Variants in FAXC observed in about 807,000 individuals in gnomAD.
FAXC encodes the protein failed axon connections homolog.
FAXC carries 10 observed loss-of-function variants against 41.9 expected under a neutral mutation model. That is an observed-to-expected ratio of 0.24 (90% confidence interval 0.15 to 0.41). The LOEUF (loss-of-function observed/expected upper bound fraction) is 0.41, where lower values mean the gene tolerates loss of function less well. Among genes scored for constraint, FAXC ranks in the 10% least tolerant of loss-of-function variants. The pLI is 1.00. For synonymous variants in FAXC, 183 were observed against 183.8 expected (o/e 1.00, Z 0.03); for missense variants, 399 against 510.9 (o/e 0.78, Z 2.11).
chr6:99,285,228 G>A (rs1160444369), intron 5 of FAXC, among the ~76,000 whole-genome samples: 1 of 152,086 alleles, frequency 6.6e-6, no homozygotes, highest in Admixed American at 6.6e-5. Context: ...AAAAGCAGTG[G>A]TATGTAAAGA....
intron 2 of FAXC, among the ~76,000 whole-genome samples, chr6:99,334,011 C>T (rs1247555483): frequency 6.6e-6 from 1 of 152,170 alleles, no homozygotes; most frequent in Non-Finnish European, 1.5e-5. Flanking sequence ...AATAATAATA[C>T]CACTACACTA....
chr6:99,304,026 A>G (rs1771818210), intron 4 of FAXC, among the ~76,000 whole-genome samples: 1 of 152,234 alleles, frequency 6.6e-6, no homozygotes, highest in African/African-American at 2.4e-5. Context: ...TCATGCCTGT[A>G]ATCCCAACAC....
At chr6:99,333,601 C>A (rs1053603581) in intron 2 of FAXC, 54 bp from the exon 3 acceptor site, 135 of 1,400,388 alleles carry the variant, frequency 9.6e-5, no homozygotes, top group Admixed American at 4.8e-4. Context: ...TTAAATTCCA[C>A]TGCATGATTA....
chr6:99,318,306 C>CACACACACACACACACAA (rs147852055), intron 4 of FAXC, among the ~76,000 whole-genome samples: 1 of 135,230 alleles, frequency 7.4e-6, no homozygotes, highest in Non-Finnish European at 1.6e-5. Flanking sequence ...CACACACACA[C>CACACACACACACACACAA]AAAATAGAAG....
At position 99,281,156 on chromosome 6, in the gene FAXC, G is replaced by T; in HGVS notation, c.*8C>A. The T allele has an allele frequency of 1.6e-6, 2 of 1,260,150 alleles. No individual in the cohort carries two copies. The highest frequency in any genetic ancestry group is 1.2e-6 in the Non-Finnish European group (1 of 857,386). 78.1% of individuals were successfully genotyped at this position (1,260,150 alleles called of 1,614,324 possible). ...GGTCCCAAGGAAGAGGGTCAGTGAGGCTGGACGTCACTTGCACTGTTCGTG... is the reference window on the plus strand; with the variant it reads ...GGTCCCAAGGAAGAGGGTCAGTGAGTCTGGACGTCACTTGCACTGTTCGTG... On this transcript the variant is annotated 3_prime_UTR_variant, in exon 6 of 6. Coordinates refer to ENST00000389677, the MANE Select transcript of FAXC (RefSeq NM_032511.4).
chr6:99,342,502 C>T (rs180981445), intron 2 of FAXC, among the ~76,000 whole-genome samples: 148 of 152,214 alleles, frequency 9.7e-4, no homozygotes, highest in African/African-American at 3.3e-3. Flanking sequence ...CTGCCACTAG[C>T]CCAGCCAATT....
upstream of FAXC, chr6:99,349,999 G>C (rs1448477504): frequency 6.6e-6 from 1 of 152,210 alleles, no homozygotes; most frequent in African/African-American, 2.4e-5. Context: ...CCAGAGTAGG[G>C]AACGCGCAGG....
intron 5 of FAXC, among the ~76,000 whole-genome samples, chr6:99,290,101 C>CACACACACACA (rs1771176240): frequency 2.1e-5 from 3 of 142,478 alleles, no homozygotes; most frequent in African/African-American, 8.0e-5. Flanking sequence ...CCCTACCCCA[C>CACACACACACA]CACACACACA....
chr6:99,290,490 T>C (rs1295005617), intron 5 of FAXC, among the ~76,000 whole-genome samples: 2 of 151,852 alleles, frequency 1.3e-5, no homozygotes, highest in Admixed American at 1.3e-4. Context: ...TCACTTGAGG[T>C]TAGGCATTCA....
chr6:99,325,373 A>G (rs1040180423), intron 3 of FAXC, among the ~76,000 whole-genome samples: 1 of 152,236 alleles, frequency 6.6e-6, no homozygotes, highest in Non-Finnish European at 1.5e-5. Context: ...CTGTAGCTAT[A>G]GCTGTTCTTG....
At chr6:99,333,201 C>T in intron 3 of FAXC, 150 bp downstream of exon 3, 1 of 630,934 alleles carries the variant, frequency 1.6e-6, no homozygotes, top group Non-Finnish European at 2.6e-6. Context: ...AGAAACTTCA[C>T]AGTCATAATA....
chr6:99,329,364 A>G (rs916183290), intron 3 of FAXC, among the ~76,000 whole-genome samples: 2 of 152,186 alleles, frequency 1.3e-5, no homozygotes. Context: ...TATTTTAATG[A>G]AGATATCATG....
intron 2 of FAXC, among the ~76,000 whole-genome samples, chr6:99,337,265 A>T (rs1773249585): frequency 6.6e-6 from 1 of 152,080 alleles, no homozygotes; most frequent in African/African-American, 2.4e-5. Context: ...GGAAAAAAAA[A>T]AAGAGGCAGG....
At chr6:99,284,563 G>A (rs1770948969) in intron 5 of FAXC, among the ~76,000 whole-genome samples, 1 of 49,384 alleles carries the variant, frequency 2.0e-5, no homozygotes, top group Non-Finnish European at 3.7e-5. Flanking sequence ...GAGTGTCTGT[G>A]TGTGTGTGTG....
chr6:99,340,290 GGGGT>G (rs1773376401), intron 2 of FAXC, among the ~76,000 whole-genome samples: 1 of 151,850 alleles, frequency 6.6e-6, no homozygotes, highest in Non-Finnish European at 1.5e-5. Flanking sequence ...TAATAGAGAT[GGGGT>G]TTCACCATGT....
Position 99,277,273 on chromosome 6 carries a change from T to A in FAXC, c.*3891A>T, listed in dbSNP as rs1460986695. 6.6e-6 allele frequency: 1 copy of A among 152,258 alleles called. No homozygotes were observed. Among genetic ancestry groups the A allele is most frequent in the East Asian group, 1.9e-4 (1 of 5,190 alleles). 9.4% of individuals were successfully genotyped at this position (152,258 alleles called of 1,614,324 possible). ...CCACACCCCATCAGGGCCAAAGAGC[T>A]TTTTAGAAAGATTAATCCATTTGTA... On this transcript the variant is annotated 3_prime_UTR_variant, in exon 6 of 6. Transcript: ENST00000389677.
chr6:99,346,392 T>C (rs1319155063), intron 1 of FAXC, among the ~76,000 whole-genome samples: 1 of 152,162 alleles, frequency 6.6e-6, no homozygotes, highest in Non-Finnish European at 1.5e-5. Flanking sequence ...GATTTCAAAG[T>C]AGGTACTTTT....
In FAXC at chr6:99,274,326, C is replaced by G. The variant is rs1037810298; in HGVS notation, c.*6838G>C. 8 of 152,092 alleles carry G rather than the reference C, an allele frequency of 5.3e-5. No individual in the cohort carries two copies. The highest frequency in any genetic ancestry group is 3.2e-3 in the Middle Eastern group (1 of 316). 9.4% of individuals were successfully genotyped at this position (152,092 alleles called of 1,614,324 possible). ...ATTGCACTTGTTTTTGATTTATAAA[C>G]CTGTACTTTTTATTATTTTAGCAAG... is the stretch of plus-strand genomic sequence containing the variant. On this transcript the variant is annotated 3_prime_UTR_variant, in exon 6 of 6. Transcript: ENST00000389677.
intron 4 of FAXC, 79 bp from the exon 5 acceptor site, chr6:99,291,899 A>G (rs1249357179): frequency 9.8e-7 from 1 of 1,023,060 alleles, no homozygotes; most frequent in East Asian, 2.4e-5. Context: ...AGCACATTCT[A>G]TTACATATTC....
Sources: allele counts gnomAD v4.1 joint callset (sites outside exome capture counted in the v4.1 genomes callset), GRCh38; gene constraint gnomAD v4.1.1; transcripts MANE v1.5; gene names NCBI Gene and HGNC (gene_info 2026-07-23, HGNC 2026-07-21).